The following ZFAT variants were observed in gnomAD, a reference collection of about 807,000 sequenced individuals.
ZFAT encodes zinc finger protein ZFAT.
In ZFAT, 64 loss-of-function variants were observed where a neutral mutation model predicts 117.7. That is an observed-to-expected ratio of 0.54 (90% CI 0.44 to 0.67). The LOEUF (loss-of-function observed/expected upper bound fraction) is 0.67, where lower values mean the gene tolerates loss of function less well. Ranked by LOEUF, ZFAT falls within the 30% of genes least tolerant of loss-of-function variation. The probability of loss-of-function intolerance (pLI) is 0.00; values close to 1 mark genes in which losing one functional copy is unlikely to be tolerated. For synonymous variants in ZFAT, 679 were observed against 615.0 expected (o/e 1.10, Z -1.54); for missense variants, 1,433 against 1,584.5 (o/e 0.90, Z 1.62).
At chr8:134,674,977 GGTAAATCAACGAAGAT>G (rs1554619953) in intron 1 of ZFAT, 6 of 152,298 alleles carry the variant, frequency 3.9e-5, no homozygotes, top group Non-Finnish European at 1.5e-5. Context: ...ACCAAAGGTA[GGTAAATCAACGAAGAT>G]GTGGAGAAAC....
the ZFAT span, among the ~76,000 whole-genome samples, chr8:134,789,723 A>T: frequency 2.6e-5 from 4 of 152,328 alleles, no homozygotes; most frequent in African/African-American, 9.6e-5. Context: ...CCTACATCTG[A>T]AAGAAAAGCA....
the ZFAT span, among the ~76,000 whole-genome samples, chr8:134,745,500 T>C: frequency 6.6e-6 from 1 of 152,190 alleles, no homozygotes; most frequent in African/African-American, 2.4e-5. Context: ...ACTTTATTAC[T>C]TTCTCTATGA....
intron 11 of ZFAT, among the ~76,000 whole-genome samples, chr8:134,534,749 A>C (rs1198580384): frequency 9.9e-6 from 1 of 100,908 alleles, no homozygotes; most frequent in Non-Finnish European, 2.0e-5. Flanking sequence ...GAGGGAAAGG[A>C]AGAGGGGGAG....
intron 1 of ZFAT, among the ~76,000 whole-genome samples, chr8:134,691,951 G>A (rs1470950348): frequency 6.6e-6 from 1 of 152,144 alleles, no homozygotes; most frequent in Non-Finnish European, 1.5e-5. Context: ...GAACCCTCCT[G>A]GGTTCAAGCA....
chr8:134,759,016 G>A, the ZFAT span, among the ~76,000 whole-genome samples: 1 of 152,202 alleles, frequency 6.6e-6, no homozygotes, highest in Non-Finnish European at 1.5e-5. Context: ...ATGTTAGCAA[G>A]GGAGAAGGGA....
Position 134,590,497 on chromosome 8 carries a change from TCACA to T in ZFAT, c.2476-146_2476-143del. 4 of 596,000 alleles carry T rather than the reference TCACA, an allele frequency of 6.7e-6. No homozygotes were observed. In the South Asian group the frequency reaches 7.8e-5, roughly 12 times the overall value. The allele number at this position is 596,000 out of a possible 1,614,324, so 36.9% of individuals were successfully genotyped here. A position where few individuals can be genotyped will look rare whatever the true frequency, so the allele number is the denominator to read the frequency against. ...TCAACAGTCATCACCACCACCACCA[TCACA>T]TCACCATCATCAATACCATCATCAC... is the stretch of plus-strand genomic sequence containing the variant. On this transcript the variant is annotated intron_variant, in intron 7 of 15. Transcript: ENST00000377838.
chr8:134,664,093 G>A (rs11780312), intron 1 of ZFAT, among the ~76,000 whole-genome samples: 1 of 152,000 alleles, frequency 6.6e-6, no homozygotes, highest in South Asian at 2.1e-4. Flanking sequence ...TCATGGAAGG[G>A]GCTCCCAGAC....
chr8:134,684,909 G>T lies in ZFAT; in HGVS notation c.20-27172C>A, dbSNP rs1833246468. Reference sequence around the variant, plus strand: ...AGCCCACCAGGATTAGAGGAGGCCAGCCAGGAAAAGGCACAGGAGCTCCCA... The same window carrying T: ...AGCCCACCAGGATTAGAGGAGGCCATCCAGGAAAAGGCACAGGAGCTCCCA... On this transcript the variant is annotated intron_variant, in intron 1 of 15. Coordinates refer to ENST00000377838, the MANE Select transcript of ZFAT (RefSeq NM_020863.4). Among the ~76,000 whole-genome samples the T allele has an allele frequency of 2.6e-5, 4 of 152,172 alleles. No individual in the cohort carries two copies. In the South Asian group the frequency reaches 8.3e-4, roughly 32 times the overall value.
intron 1 of ZFAT, among the ~76,000 whole-genome samples, chr8:134,712,050 T>C (rs952827481): frequency 6.6e-6 from 1 of 152,226 alleles, no homozygotes; most frequent in Non-Finnish European, 1.5e-5. Flanking sequence ...CGTTCGTTCT[T>C]TCATTCACTA....
intron 12 of ZFAT, among the ~76,000 whole-genome samples, chr8:134,532,273 T>C (rs1436869269): frequency 6.6e-6 from 1 of 152,232 alleles, no homozygotes; most frequent in Non-Finnish European, 1.5e-5. Context: ...ACTTAATAAA[T>C]ATTTTTAGAT....
the ZFAT span, chr8:134,766,459 A>C: frequency 6.6e-6 from 1 of 152,212 alleles, no homozygotes; most frequent in African/African-American, 2.4e-5. Flanking sequence ...TCATTAACTC[A>C]TGGTCAATCA....
At chr8:134,584,205 G>A (rs1468332521) in intron 9 of ZFAT, among the ~76,000 whole-genome samples, 200 bp from the exon 10 acceptor site, 1 of 152,128 alleles carries the variant, frequency 6.6e-6, no homozygotes, top group Non-Finnish European at 1.5e-5. Context: ...CCCAGGCTAT[G>A]CCTTCGTCCT....
intron 1 of ZFAT, among the ~76,000 whole-genome samples, chr8:134,711,601 G>A (rs1420146025): frequency 2.0e-5 from 3 of 152,162 alleles, no homozygotes; most frequent in Non-Finnish European, 2.9e-5. Context: ...CGGCCTGAGT[G>A]ATAGTGCGGG....
At chr8:134,657,913 A>T (rs944814724) in intron 1 of ZFAT, among the ~76,000 whole-genome samples, 176 bp from the exon 2 acceptor site, 4 of 152,076 alleles carry the variant, frequency 2.6e-5, no homozygotes, top group African/African-American at 9.7e-5. Flanking sequence ...CTTCAGGGAG[A>T]TCCAGGGGCC....
chr8:134,674,314 C>T (rs550818045), intron 1 of ZFAT, among the ~76,000 whole-genome samples: 75 of 152,296 alleles, frequency 4.9e-4, no homozygotes, highest in African/African-American at 1.7e-3. Flanking sequence ...TCGGCAGGTC[C>T]CACCCCTAGA....
chr8:134,783,115 T>C, the ZFAT span, among the ~76,000 whole-genome samples: 1 of 152,340 alleles, frequency 6.6e-6, no homozygotes, highest in South Asian at 2.1e-4. Flanking sequence ...TATATCAACC[T>C]TCTGTTACTT....
At chr8:134,712,814 C>G (rs1205114384) in intron 1 of ZFAT, 31 bp downstream of exon 1, 1 of 1,232,460 alleles carries the variant, frequency 8.1e-7, no homozygotes, top group African/African-American at 1.6e-5. Flanking sequence ...CACCCCCACC[C>G]CGTCTCACCC....
chr8:134,605,037 A>G (rs1221323347), intron 5 of ZFAT, among the ~76,000 whole-genome samples: 2 of 152,230 alleles, frequency 1.3e-5, no homozygotes, highest in African/African-American at 4.8e-5. Flanking sequence ...TTTTTGTATT[A>G]TTAGGCAAAT....
chr8:134,721,798 G>C, the ZFAT span, among the ~76,000 whole-genome samples: 1 of 152,072 alleles, frequency 6.6e-6, no homozygotes, highest in African/African-American at 2.4e-5. Context: ...TTGAACAGGG[G>C]ACTCCTGCAG....
Sources: gnomAD v4.1 joint callset for allele counts (sites outside exome capture counted in the v4.1 genomes callset) on GRCh38, gnomAD v4.1.1 for gene constraint, MANE v1.5 for transcripts, NCBI Gene and HGNC (gene_info 2026-07-23, HGNC 2026-07-21) for gene names.